Variants in NKX6-1 observed in about 807,000 individuals in gnomAD.
NKX6-1 encodes homeobox protein Nkx-6.1.
Under a neutral mutation model 24.9 loss-of-function variants are expected in NKX6-1, and 11 were observed. The ratio of observed to expected loss-of-function variants is 0.44; its 90% CI spans 0.28 to 0.73. The LOEUF is 0.73. Among genes scored for constraint, NKX6-1 ranks in the 30% least tolerant of loss-of-function variants. The pLI is 0.15. For missense variants in NKX6-1, 487 were observed against 502.9 expected, an observed-to-expected ratio of 0.97 and a Z score of 0.30; for synonymous variants, 277 against 242.9, an observed-to-expected ratio of 1.14 and a Z score of -1.31.
In NKX6-1 at chr4:84,493,230, G is replaced by C. The variant is rs1720758167; in HGVS notation, c.*59C>G. Reference sequence around the variant, plus strand: ...GGCGCGGCGTGCACGCGGTCCCCGCGCCCCTCGCGGCCCCAGAGGTGGAGG... The same window carrying C: ...GGCGCGGCGTGCACGCGGTCCCCGCCCCCCTCGCGGCCCCAGAGGTGGAGG... On this transcript the variant is annotated 3_prime_UTR_variant, in exon 3 of 3. Transcript: ENST00000295886. This position sits in a 1 kb window ranked among gnomAD's most constrained non-coding sequence, Gnocchi z 5.1. 7.1e-7 allele frequency: 1 copy of C among 1,408,558 alleles called. No homozygotes were observed. The highest frequency in any genetic ancestry group is 9.2e-7 in the Non-Finnish European group (1 of 1,086,804). 87.3% of individuals were successfully genotyped at this position (1,408,558 alleles called of 1,614,324 possible).
chr4:84,496,050 C>T (rs964126539), intron 1 of NKX6-1, among the ~76,000 whole-genome samples: 2 of 152,150 alleles, frequency 1.3e-5, no homozygotes, highest in African/African-American at 4.8e-5. Context: ...TTAAAAGCCG[C>T]GTGTTTGGCG....
At chr4:84,494,186 A>G (rs1217790728) in intron 2 of NKX6-1, among the ~76,000 whole-genome samples, 1 of 151,904 alleles carries the variant, frequency 6.6e-6, no homozygotes, top group Non-Finnish European at 1.5e-5. Context: ...AAAAAAAAAA[A>G]AAAAAGATCT....
At position 84,498,880 on chromosome 4, in the gene NKX6-1, C is replaced by T. The variant is rs1362788579; in HGVS notation, c.-652G>A. Among the ~76,000 whole-genome samples the T allele has an allele frequency of 6.6e-6, 1 of 152,228 alleles. No individual in the cohort carries two copies. Among genetic ancestry groups the T allele is most frequent in the African/African-American group, 2.4e-5 (1 of 41,460 alleles). ...CCCACGCTGCCCCGGGCTGCTGCGC[C>T]AGAAAGGGCAGTGCCACGGATCCCC... On this transcript the variant is annotated 5_prime_UTR_variant, in exon 1 of 3. Coordinates refer to ENST00000295886, the MANE Select transcript of NKX6-1 (RefSeq NM_006168.3).
At chr4:84,495,546 T>A in intron 2 of NKX6-1, 126 bp downstream of exon 2, 1 of 871,162 alleles carries the variant, frequency 1.1e-6, no homozygotes, top group South Asian at 1.8e-5. Context: ...CCAGGCTCCT[T>A]GGATTCGCAC....
chr4:84,493,284 G>A lies in NKX6-1; in HGVS notation c.*5C>T. On this transcript the variant is annotated 3_prime_UTR_variant, in exon 3 of 3. Coordinates refer to ENST00000295886, the MANE Select transcript of NKX6-1 (RefSeq NM_006168.3). The surrounding 1 kb of genome is among the most constrained non-coding windows in gnomAD (Gnocchi z 5.1). ...GAGCCGGGAAGGTGCGGCGGGCGGC[G>A]GCGTTCAGGATGAGCTCTCCGGCTC... The A allele has an allele frequency of 1.2e-5, 17 of 1,456,366 alleles. No homozygotes were observed. The highest frequency in any genetic ancestry group is 1.5e-5 in the Non-Finnish European group (17 of 1,110,112). 90.2% of individuals were successfully genotyped at this position (1,456,366 alleles called of 1,614,324 possible).
At position 84,499,114 on chromosome 4, in the gene NKX6-1, C is replaced by G. The variant is rs1308876194; in HGVS notation, c.-886G>C. Among the ~76,000 whole-genome samples the G allele has an allele frequency of 1.3e-5, 2 of 152,198 alleles. No individual in the cohort carries two copies. Among genetic ancestry groups the G allele is most frequent in the African/African-American group, 4.8e-5 (2 of 41,464 alleles). On this transcript the variant is annotated 5_prime_UTR_variant, in exon 1 of 3. Transcript: ENST00000295886. The stretch of plus-strand genomic sequence containing the variant: ...CCCGCCCCACCCCCGCTCCCTCTCT[C>G]CCTCTCACTCTCAGCCTTTGACTCT...
chr4:84,496,319 A>G (rs1720818828), intron 1 of NKX6-1, among the ~76,000 whole-genome samples: 2 of 151,146 alleles, frequency 1.3e-5, no homozygotes, highest in South Asian at 2.1e-4. Context: ...CACACAAGAG[A>G]GCTAAATCGC....
At chr4:84,495,217 T>C (rs899176251) in intron 2 of NKX6-1, among the ~76,000 whole-genome samples, 4 of 152,224 alleles carry the variant, frequency 2.6e-5, no homozygotes, top group Non-Finnish European at 5.9e-5. Flanking sequence ...TGCGAATTAA[T>C]ACAGTAGCCC....
chr4:84,497,361 C>T lies in NKX6-1; in HGVS notation c.670+198G>A, dbSNP rs1024976640. Among the ~76,000 whole-genome samples, 1 of 152,206 alleles carries T rather than the reference C, an allele frequency of 6.6e-6. No homozygotes were observed. The highest frequency in any genetic ancestry group is 1.5e-5 in the Non-Finnish European group (1 of 68,034). ...TTAGAGAGAGGGAGGCGCTTGGATA[C>T]AGCCACGCGAGCTCAGAAAAGCGAG... On this transcript the variant is annotated intron_variant, in intron 1 of 2. Transcript: ENST00000295886. This position sits in a 1 kb window ranked among gnomAD's most constrained non-coding sequence, Gnocchi z 4.8.
At position 84,497,953 on chromosome 4, in the gene NKX6-1, G is replaced by A; in HGVS notation, c.276C>T (p.Ala92=). ...TATCGTTGATGCCGTGTGGGGTGGC[G>A]GCCGAGAGCTGCTGCGGGGGGCTGC... ...SLGSPPQQLS[A]ATPHGINDIL... The change falls in exon 1 of 3, where the codon GCC becomes GCT. Residue 92 remains alanine (A), a synonymous_variant. Transcript: ENST00000295886. The surrounding 1 kb of genome is among the most constrained non-coding windows in gnomAD (Gnocchi z 4.8). 7.7e-7 allele frequency: 1 copy of A among 1,299,972 alleles called. No individual in the cohort carries two copies. Among genetic ancestry groups the A allele is most frequent in the Non-Finnish European group, 9.8e-7 (1 of 1,020,484 alleles). 80.5% of individuals were successfully genotyped at this position (1,299,972 alleles called of 1,614,324 possible).
In NKX6-1 at chr4:84,498,349, G is replaced by A. The variant is rs1720873898; in HGVS notation, c.-121C>T. The A allele has an allele frequency of 2.6e-6, 3 of 1,138,940 alleles. No homozygotes were observed. The highest frequency in any genetic ancestry group is 1.6e-5 in the African/African-American group (1 of 62,680). 70.6% of individuals were successfully genotyped at this position (1,138,940 alleles called of 1,614,324 possible). A position where few individuals can be genotyped will look rare whatever the true frequency, so the allele number is the denominator to read the frequency against. On this transcript the variant is annotated 5_prime_UTR_variant, in exon 1 of 3. Coordinates refer to ENST00000295886, the MANE Select transcript of NKX6-1 (RefSeq NM_006168.3). ...CGGAGAGGCACTCGGCGCGCCCGGA[G>A]GCGAGCTGCCAACTGAACCAAAAAT... is the stretch of plus-strand genomic sequence containing the variant.
At position 84,497,851 on chromosome 4, in the gene NKX6-1, G is replaced by A; in HGVS notation, c.378C>T (p.Ser126=). Residue 126 remains serine (S), a synonymous_variant, in exon 1 of 3, where the codon TCC becomes TCT. Coordinates refer to ENST00000295886, the MANE Select transcript of NKX6-1 (RefSeq NM_006168.3). This position sits in a 1 kb window ranked among gnomAD's most constrained non-coding sequence, Gnocchi z 4.8. The part of the protein sequence containing the change: ...PSASPSGSSS[S]SSSSASASSA... Reference sequence around the variant, plus strand: ...AGGAGGCAGAGGCGGACGAGGAAGAGGAGGAGGAGGAACCGGAGGGCGAGG... The same window carrying A: ...AGGAGGCAGAGGCGGACGAGGAAGAAGAGGAGGAGGAACCGGAGGGCGAGG... The A allele has an allele frequency of 7.9e-7, 1 of 1,271,080 alleles. No homozygotes were observed. The highest frequency in any genetic ancestry group is 9.9e-7 in the Non-Finnish European group (1 of 1,011,466). 78.7% of individuals were successfully genotyped at this position (1,271,080 alleles called of 1,614,324 possible).
In NKX6-1 at chr4:84,498,730, T is replaced by G. The variant is rs1310137270; in HGVS notation, c.-502A>C. 6.6e-6 allele frequency among the ~76,000 whole-genome samples: 1 copy of G among 152,202 alleles called. No homozygotes were observed. The highest frequency in any genetic ancestry group is 2.4e-5 in the African/African-American group (1 of 41,456). ...CGCCTTGTGCAGCCCGTGGCGCTCC[T>G]CTGATCTTACTGGGATGCTCTGCTC... is the stretch of plus-strand genomic sequence containing the variant. On this transcript the variant is annotated 5_prime_UTR_variant, in exon 1 of 3. Coordinates refer to ENST00000295886, the MANE Select transcript of NKX6-1 (RefSeq NM_006168.3).
At position 84,493,417 on chromosome 4, in the gene NKX6-1, A is replaced by T. The variant is rs200695937; in HGVS notation, c.976T>A (p.Tyr326Asn). 1 of 1,614,214 alleles carries T rather than the reference A, an allele frequency of 6.2e-7. No homozygotes were observed. The highest frequency in any genetic ancestry group is 2.2e-5 in the East Asian group (1 of 44,864). ...ASENEEEDDD[Y>N]NKPLDPNSDD... ...GAGTTGGGATCCAGAGGCTTATTGT[A>T]GTCGTCGTCCTCTTCCTCGTTCTCC... The change falls in exon 3 of 3, where the codon TAC becomes AAC. Residue 326 changes from tyrosine (Y) to asparagine (N), a missense_variant. Around this residue, in one of 3 missense-constraint regions of NKX6-1, gnomAD observed 126 missense variants for 105.5 expected, o/e 1.19. Coordinates refer to ENST00000295886, the MANE Select transcript of NKX6-1 (RefSeq NM_006168.3). This position sits in a 1 kb window ranked among gnomAD's most constrained non-coding sequence, Gnocchi z 5.1.
At chr4:84,494,436 C>A (rs1021448295) in intron 2 of NKX6-1, among the ~76,000 whole-genome samples, 1 of 152,134 alleles carries the variant, frequency 6.6e-6, no homozygotes, top group Non-Finnish European at 1.5e-5. Flanking sequence ...AAAGCATCAG[C>A]AAGAAGCAAC....
chr4:84,497,815 G>T lies in NKX6-1; in HGVS notation c.414C>A (p.Ala138=). 7.9e-7 allele frequency: 1 copy of T among 1,272,644 alleles called. No homozygotes were observed. The highest frequency in any genetic ancestry group is 9.9e-7 in the Non-Finnish European group (1 of 1,014,530). 78.8% of individuals were successfully genotyped at this position (1,272,644 alleles called of 1,614,324 possible). A position where few individuals can be genotyped will look rare whatever the true frequency, so the allele number is the denominator to read the frequency against. Residue 138 remains alanine (A), a synonymous_variant, in exon 1 of 3, where the codon GCC becomes GCA. Transcript: ENST00000295886. This position sits in a 1 kb window ranked among gnomAD's most constrained non-coding sequence, Gnocchi z 4.8. ...SSSASASSAS[A]AAAAAAAAAA... ...CGGCCGCGGCAGCAGCCGCGGCGGC[G>T]GCAGAGGCGGAGGAGGCAGAGGCGG... is the stretch of plus-strand genomic sequence containing the variant.
In NKX6-1 at chr4:84,497,767, C is replaced by T. The variant is rs141490572; in HGVS notation, c.462G>A (p.Ala154=). The part of the protein sequence containing the change: ...AAAAAAASSP[A]GLLAGLPRFS... ...AGCGTGGCAGTCCGGCCAGCAGCCC[C>T]GCCGGGGATGAGGCGGCGGCTGCGG... Residue 154 remains alanine, a synonymous_variant, in exon 1 of 3, where the codon GCG becomes GCA. Coordinates refer to ENST00000295886, the MANE Select transcript of NKX6-1 (RefSeq NM_006168.3). The surrounding 1 kb of genome is among the most constrained non-coding windows in gnomAD (Gnocchi z 4.8). 8.9e-3 allele frequency: 11,345 copies of T among 1,276,436 alleles called. 61 individuals carry two copies. Among genetic ancestry groups the T allele is most frequent in the Admixed American group, 0.012 (282 of 24,502 alleles). 79.1% of individuals were successfully genotyped at this position (1,276,436 alleles called of 1,614,324 possible). A position where few individuals can be genotyped will look rare whatever the true frequency, so the allele number is the denominator to read the frequency against.
chr4:84,497,968 C>T lies in NKX6-1; in HGVS notation c.261G>A (p.Pro87=). The T allele has an allele frequency of 7.7e-7, 1 of 1,297,174 alleles. No individual in the cohort carries two copies. The highest frequency in any genetic ancestry group is 9.8e-7 in the Non-Finnish European group (1 of 1,019,696). 80.4% of individuals were successfully genotyped at this position (1,297,174 alleles called of 1,614,324 possible). A position where few individuals can be genotyped will look rare whatever the true frequency, so the allele number is the denominator to read the frequency against. The change falls in exon 1 of 3, where the codon CCG becomes CCA. Residue 87 remains proline, a synonymous_variant. Coordinates refer to ENST00000295886, the MANE Select transcript of NKX6-1 (RefSeq NM_006168.3). This position sits in a 1 kb window ranked among gnomAD's most constrained non-coding sequence, Gnocchi z 4.8. ...TGGLSSLGSP[P]QQLSAATPHG... is the part of the protein sequence containing the mutation. Reference sequence around the variant, plus strand: ...GTGGGGTGGCGGCCGAGAGCTGCTGCGGGGGGCTGCCGAGGGATGAGAGCC... The same window carrying T: ...GTGGGGTGGCGGCCGAGAGCTGCTGTGGGGGGCTGCCGAGGGATGAGAGCC...
In NKX6-1 at chr4:84,493,753, C is replaced by A. The variant is rs948743244; in HGVS notation, c.844-204G>T. Among the ~76,000 whole-genome samples the A allele has an allele frequency of 6.6e-6, 1 of 152,206 alleles. No homozygotes were observed. Among genetic ancestry groups the A allele is most frequent in the Non-Finnish European group, 1.5e-5 (1 of 68,032 alleles). On this transcript the variant is annotated intron_variant, in intron 2 of 2. Transcript: ENST00000295886. This position sits in a 1 kb window ranked among gnomAD's most constrained non-coding sequence, Gnocchi z 5.1. Reference sequence around the variant, plus strand: ...GTTCCCCCTGAGTAACTGGCACCAACAAACTGACTGCCGTTGCCATAGCGA... The same window carrying A: ...GTTCCCCCTGAGTAACTGGCACCAAAAAACTGACTGCCGTTGCCATAGCGA...
Sources: allele counts gnomAD v4.1 joint callset (sites outside exome capture counted in the v4.1 genomes callset), GRCh38; gene constraint gnomAD v4.1.1; regional missense constraint gnomAD v4.1.1; non-coding constraint Gnocchi (gnomAD v3.1); transcripts MANE v1.5; gene names NCBI Gene and HGNC (gene_info 2026-07-23, HGNC 2026-07-21).